The following DIAPH2 variants were observed in gnomAD, a reference collection of about 807,000 sequenced individuals.
DIAPH2 encodes protein diaphanous homolog 2.
A neutral mutation model predicts 92.7 loss-of-function variants in DIAPH2; 35 were observed. That is an observed-to-expected ratio of 0.38 (90% confidence interval 0.29 to 0.50). The LOEUF (loss-of-function observed/expected upper bound fraction) is 0.50. Among genes scored for constraint, DIAPH2 ranks in the 20% least tolerant of loss-of-function variants. DIAPH2 has a pLI of 0.94. For missense variants in DIAPH2, 701 were observed against 819.5 expected (o/e 0.86, Z 1.77); for synonymous variants, 301 against 280.4 (o/e 1.07, Z -0.73).
intron 17 of DIAPH2, among the ~76,000 whole-genome samples, chrX:97,003,208 G>T (rs766635324): frequency 6.3e-4 from 70 of 110,939 alleles, no homozygotes; most frequent in African/African-American, 2.2e-3. Context: ...TCTGTTGATG[G>T]ACAGTTTGTT....
chrX:97,063,715 G>A (rs1443227936), intron 17 of DIAPH2, among the ~76,000 whole-genome samples: 4 of 111,840 alleles, frequency 3.6e-5, no homozygotes, highest in Non-Finnish European at 7.5e-5. Flanking sequence ...TAATTTGCAG[G>A]GGTAGTGTTG....
intron 23 of DIAPH2, among the ~76,000 whole-genome samples, chrX:97,339,871 T>G (rs535775993): frequency 8.9e-6 from 1 of 112,241 alleles, no homozygotes; most frequent in Admixed American, 9.5e-5. Flanking sequence ...TTGCCAAGTT[T>G]ATATGTATTA....
chrX:96,938,909 G>T (rs981154524), intron 11 of DIAPH2, among the ~76,000 whole-genome samples: 1 of 111,545 alleles, frequency 9.0e-6, no homozygotes, highest in Non-Finnish European at 1.9e-5. Context: ...GAATAATATA[G>T]GTCCTCTATC....
chrX:96,849,246 A>G (rs2064991943), intron 4 of DIAPH2, among the ~76,000 whole-genome samples: 1 of 111,209 alleles, frequency 9.0e-6, no homozygotes, highest in Non-Finnish European at 1.9e-5. Flanking sequence ...GCTTACTGCA[A>G]CCTCCGCCTC....
At chrX:97,380,642 A>T (rs1258529840) in intron 24 of DIAPH2, among the ~76,000 whole-genome samples, 3 of 106,469 alleles carry the variant, frequency 2.8e-5, no homozygotes, top group African/African-American at 1.1e-4. Context: ...AAAACTAAAG[A>T]TTATTGATAT....
chrX:96,867,761 A>C (rs1239658143), intron 4 of DIAPH2, among the ~76,000 whole-genome samples: 2 of 111,689 alleles, frequency 1.8e-5, no homozygotes, highest in African/African-American at 6.5e-5. Context: ...ATATTTTTTG[A>C]ATTTATATAT....
chrX:97,306,171 T>G (rs1048465990), intron 23 of DIAPH2, among the ~76,000 whole-genome samples: 6 of 111,533 alleles, frequency 5.4e-5, no homozygotes, highest in Admixed American at 2.9e-4. Context: ...ATTTCCTCTC[T>G]CCTTTTTTGC....
intron 23 of DIAPH2, among the ~76,000 whole-genome samples, chrX:97,267,067 C>G (rs1242761650): frequency 1.8e-5 from 2 of 111,737 alleles, no homozygotes; most frequent in African/African-American, 3.3e-5. Flanking sequence ...TCTATCAAAC[C>G]AAGAAATGAT....
chrX:97,024,438 C>T (rs2066318246), intron 17 of DIAPH2, among the ~76,000 whole-genome samples: 1 of 111,676 alleles, frequency 9.0e-6, no homozygotes, highest in African/African-American at 3.3e-5. Flanking sequence ...CAGATCATTC[C>T]CACATCAGAG....
rs1288306941 is a variant in DIAPH2, at chrX:97,192,288, C to A, written c.2719+50494C>A. On this transcript the variant is annotated intron_variant, in intron 22 of 26. Coordinates refer to ENST00000324765, the MANE Select transcript of DIAPH2 (RefSeq NM_006729.5). The stretch of plus-strand genomic sequence containing the variant: ...CAGCCTGGGCAAGAGAGTGAGACTC[C>A]GTCTCAAAAAAAAAAAAAAAAAAAA... Among the ~76,000 whole-genome samples, 3 of 78,341 alleles carry A rather than the reference C, an allele frequency of 3.8e-5. No individual in the cohort carries two copies. In the Admixed American group the frequency reaches 4.6e-4, roughly 12 times the overall value. 68.0% of individuals were successfully genotyped at this position (78,341 alleles called of 115,157 possible). A position where few individuals can be genotyped will look rare whatever the true frequency, so the allele number is the denominator to read the frequency against.
intron 4 of DIAPH2, among the ~76,000 whole-genome samples, chrX:96,851,923 G>T (rs2065008471): frequency 1.8e-5 from 2 of 111,980 alleles, no homozygotes; most frequent in Non-Finnish European, 3.8e-5. Context: ...TATATATATT[G>T]TAAGAATTCC....
intron 1 of DIAPH2, among the ~76,000 whole-genome samples, chrX:96,695,204 G>C (rs2063819184): frequency 8.9e-6 from 1 of 112,058 alleles, no homozygotes; most frequent in Non-Finnish European, 1.9e-5. Context: ...GCCTGCCTCG[G>C]CCTCCCAAAG....
At chrX:96,772,432 T>C (rs1404874536) in intron 4 of DIAPH2, among the ~76,000 whole-genome samples, 1 of 111,991 alleles carries the variant, frequency 8.9e-6, no homozygotes, top group East Asian at 2.8e-4. Context: ...GGACAGTCTT[T>C]TGAGTAGTTT....
chrX:96,737,730 C>T (rs746234029), intron 2 of DIAPH2, among the ~76,000 whole-genome samples: 42 of 111,432 alleles, frequency 3.8e-4, no homozygotes, highest in Middle Eastern at 9.3e-3. Context: ...AGTCAATATC[C>T]GTAAAATAGC....
intron 23 of DIAPH2, among the ~76,000 whole-genome samples, chrX:97,292,669 C>G (rs1442581359): frequency 1.8e-5 from 2 of 109,314 alleles, no homozygotes; most frequent in Non-Finnish European, 3.8e-5. Flanking sequence ...GCCTCAGCCT[C>G]CCGAGTAGCT....
chrX:97,109,557 GA>G (rs946636810), intron 20 of DIAPH2, among the ~76,000 whole-genome samples: 8 of 111,218 alleles, frequency 7.2e-5, no homozygotes, highest in Admixed American at 5.7e-4. Context: ...TGGGTTTAGA[GA>G]AAAAAATTCT....
chrX:96,981,729 CA>C (rs1475231541), intron 17 of DIAPH2, among the ~76,000 whole-genome samples: 1 of 111,558 alleles, frequency 9.0e-6, no homozygotes, highest in Non-Finnish European at 1.9e-5. Flanking sequence ...ACGACATAAA[CA>C]AAGACTTGGA....
intron 4 of DIAPH2, among the ~76,000 whole-genome samples, chrX:96,839,921 G>T (rs1443352405): frequency 8.9e-6 from 1 of 111,855 alleles, no homozygotes; most frequent in African/African-American, 3.2e-5. Flanking sequence ...ATTTCATCTA[G>T]AGCAGAGCTG....
intron 24 of DIAPH2, among the ~76,000 whole-genome samples, chrX:97,383,011 G>A (rs781336879): frequency 1.8e-5 from 2 of 111,748 alleles, no homozygotes; most frequent in Non-Finnish European, 3.8e-5. Flanking sequence ...GAGGGAACTT[G>A]TAGTTGATAT....
Sources: allele counts gnomAD v4.1 joint callset (sites outside exome capture counted in the v4.1 genomes callset), GRCh38; gene constraint gnomAD v4.1.1; transcripts MANE v1.5; gene names NCBI Gene and HGNC (gene_info 2026-07-23, HGNC 2026-07-21).